VPS53: variants seen among roughly 807,000 people sequenced by gnomAD.
VPS53 encodes vacuolar protein sorting-associated protein 53 homolog.
VPS53 carries 70 observed loss-of-function variants against 107.0 expected under a neutral mutation model. The ratio of observed to expected loss-of-function variants is 0.65; its 90% confidence interval spans 0.54 to 0.80. VPS53 has a LOEUF of 0.80. Ranked by LOEUF, VPS53 falls within the 30% of genes least tolerant of loss-of-function variation. The pLI, the probability that VPS53 is intolerant of heterozygous loss-of-function variation, is 0.00. For missense variants in VPS53, 917 were observed against 1,049.4 expected, an observed-to-expected ratio of 0.87 and a Z score of 1.74; for synonymous variants, 409 against 393.3, an observed-to-expected ratio of 1.04 and a Z score of -0.47.
At chr17:608,224 T>C (rs140581128) in intron 11 of VPS53, among the ~76,000 whole-genome samples, 13 of 152,312 alleles carry the variant, frequency 8.5e-5, no homozygotes, top group Admixed American at 2.0e-4. Context: ...ACTTCTTCTA[T>C]TGCAACAGTT....
chr17:698,259 C>T (rs548962817), intron 3 of VPS53, among the ~76,000 whole-genome samples: 1 of 152,122 alleles, frequency 6.6e-6, no homozygotes, highest in African/African-American at 2.4e-5. Context: ...ACAGTGTAAC[C>T]CTGTAACTAC....
intron 19 of VPS53, among the ~76,000 whole-genome samples, chr17:530,357 G>A (rs1909443901): frequency 6.6e-6 from 1 of 151,990 alleles, no homozygotes; most frequent in Non-Finnish European, 1.5e-5. Flanking sequence ...GTTTCACTGT[G>A]TTGGTCAGGC....
At chr17:634,546 TC>T (rs1289683852) in intron 7 of VPS53, among the ~76,000 whole-genome samples, 1 of 55,882 alleles carries the variant, frequency 1.8e-5, no homozygotes, top group African/African-American at 7.5e-5. Flanking sequence ...CCCTCCCCCC[TC>T]CCCCCACCCC....
intron 4 of VPS53, among the ~76,000 whole-genome samples, chr17:662,845 GGA>G (rs1567720084): frequency 0.048 from 4,148 of 86,220 alleles, 272 homozygotes; most frequent in Middle Eastern, 0.1. Context: ...AAGGAAGGAA[GGA>G]AGGAAGGAAG....
intron 13 of VPS53, among the ~76,000 whole-genome samples, chr17:582,418 G>A (rs1967075784): frequency 7.0e-6 from 1 of 142,584 alleles, no homozygotes; most frequent in Non-Finnish European, 1.5e-5. Context: ...GGACCTCAAT[G>A]CGTTCCCACA....
intron 7 of VPS53, among the ~76,000 whole-genome samples, chr17:635,360 G>C (rs879437865): frequency 1.3e-5 from 2 of 152,128 alleles, no homozygotes; most frequent in Admixed American, 6.6e-5. Context: ...TGTTCACTTT[G>C]ATCATAGTTT....
chr17:607,327 G>A (rs973684091), intron 11 of VPS53, among the ~76,000 whole-genome samples: 2 of 152,146 alleles, frequency 1.3e-5, no homozygotes, highest in Non-Finnish European at 2.9e-5. Flanking sequence ...TTTCTAAGTG[G>A]AAAGGCACAC....
At position 562,571 on chromosome 17, in the gene VPS53, G is replaced by A; in HGVS notation, c.1488C>T (p.Ala496=). The change falls in exon 14 of 22, where the codon GCC becomes GCT. Residue 496 remains alanine (A), a synonymous_variant. Transcript: ENST00000437048. ...SQLSTGEPMI[A]LTTIFQKYLR... ...GGTACTTCTGGAAAATGGTGGTCAGGGCGATCATGGGCTCCCCAGTACTGA... is the reference window on the plus strand; with the variant it reads ...GGTACTTCTGGAAAATGGTGGTCAGAGCGATCATGGGCTCCCCAGTACTGA... 6.2e-7 allele frequency: 1 copy of A among 1,613,956 alleles called. No homozygotes were observed.
At chr17:537,467 C>T (rs758511196) in intron 17 of VPS53, 27 of 305,786 alleles carry the variant, frequency 8.8e-5, no homozygotes, top group African/African-American at 2.4e-4. Context: ...GCTACCCACT[C>T]GTAAAGGATC....
At chr17:534,919 A>G (rs1484401776) in intron 18 of VPS53, among the ~76,000 whole-genome samples, 1 of 147,800 alleles carries the variant, frequency 6.8e-6, no homozygotes, top group Non-Finnish European at 1.5e-5. Context: ...CCCTGTATCA[A>G]AAAAAAAAAA....
intron 13 of VPS53, among the ~76,000 whole-genome samples, chr17:580,109 G>A (rs375775): frequency 2.7e-4 from 40 of 146,266 alleles, no homozygotes; most frequent in Middle Eastern, 3.8e-3. Context: ...AACCTAATGC[G>A]TTCCCAGAGA....
intron 13 of VPS53, among the ~76,000 whole-genome samples, chr17:572,334 C>A (rs1463101909): frequency 2.0e-5 from 3 of 150,404 alleles, no homozygotes; most frequent in Admixed American, 6.6e-5. Flanking sequence ...AAGTGAGGAG[C>A]CCCTCCGCCC....
chr17:569,614 T>G (rs1373714846), intron 13 of VPS53, among the ~76,000 whole-genome samples: 2 of 152,150 alleles, frequency 1.3e-5, no homozygotes, highest in Admixed American at 6.6e-5. Flanking sequence ...GAAGAAATGA[T>G]GTAGCTAGAA....
At chr17:627,771 G>A (rs978128396) in intron 9 of VPS53, among the ~76,000 whole-genome samples, 1 of 33,308 alleles carries the variant, frequency 3.0e-5, no homozygotes, top group African/African-American at 1.2e-4. Context: ...GCGAAACTCC[G>A]TCTCACACAC....
At chr17:570,765 T>C (rs1330735501) in intron 13 of VPS53, among the ~76,000 whole-genome samples, 19 of 152,118 alleles carry the variant, frequency 1.2e-4, no homozygotes. Flanking sequence ...ACAAGCAGAT[T>C]GGGACAACTG....
chr17:536,135 G>A lies in VPS53; in HGVS notation c.2015+893C>T, dbSNP rs1205041040. Among the ~76,000 whole-genome samples, 6 of 152,114 alleles carry A rather than the reference G, an allele frequency of 3.9e-5. No homozygotes were observed. In the East Asian group the frequency reaches 7.7e-4, roughly 20 times the overall value. On this transcript the variant is annotated intron_variant, in intron 18 of 21. Coordinates refer to ENST00000437048, the MANE Select transcript of VPS53 (RefSeq NM_001128159.3). Reference sequence around the variant, plus strand: ...CGGCAAAGAACTAAACTATTTCCTCGCTTCAAAACTCAGGGCAGAAATGGC... The same window carrying A: ...CGGCAAAGAACTAAACTATTTCCTCACTTCAAAACTCAGGGCAGAAATGGC...
intron 7 of VPS53, among the ~76,000 whole-genome samples, chr17:639,479 G>C (rs1043864230): frequency 2.6e-5 from 4 of 152,210 alleles, no homozygotes; most frequent in African/African-American, 9.7e-5. Context: ...TTCCTTTGGA[G>C]GGGGAGAGGT....
intron 4 of VPS53, among the ~76,000 whole-genome samples, chr17:672,545 T>C (rs1332514754): frequency 6.6e-6 from 1 of 152,170 alleles, no homozygotes; most frequent in African/African-American, 2.4e-5. Flanking sequence ...GCTTTGTAAA[T>C]AAGATGGCTA....
intron 10 of VPS53, among the ~76,000 whole-genome samples, chr17:624,191 C>T (rs932026749): frequency 1.3e-5 from 2 of 152,036 alleles, no homozygotes; most frequent in African/African-American, 4.8e-5. Flanking sequence ...TATCTTTGAA[C>T]AGTTTAATAA....
Sources: gnomAD v4.1 joint callset for allele counts (sites outside exome capture counted in the v4.1 genomes callset) on GRCh38, gnomAD v4.1.1 for gene constraint, MANE v1.5 for transcripts, NCBI Gene and HGNC (gene_info 2026-07-23, HGNC 2026-07-21) for gene names.